The following LRRC7 variants were observed in gnomAD, a reference collection of about 807,000 sequenced individuals.
LRRC7 encodes the protein leucine-rich repeat-containing protein 7.
LRRC7 carries 23 observed loss-of-function variants against 175.7 expected under a neutral mutation model. The ratio of observed to expected loss-of-function variants is 0.13; its 90% CI spans 0.09 to 0.19. The LOEUF (loss-of-function observed/expected upper bound fraction) is 0.19. Ranked by LOEUF, LRRC7 falls within the 10% of genes least tolerant of loss-of-function variation. The probability of loss-of-function intolerance (pLI) is 1.00; values close to 1 mark genes in which losing one functional copy is unlikely to be tolerated. For synonymous variants in LRRC7, 685 were observed against 680.9 expected (o/e 1.01, Z -0.09); for missense variants, 1,354 against 1,904.7 (o/e 0.71, Z 5.38).
intron 26 of LRRC7, among the ~76,000 whole-genome samples, chr1:70,116,090 GATAA>G (rs1665829495): frequency 6.6e-6 from 1 of 152,178 alleles, no homozygotes; most frequent in Admixed American, 6.5e-5. Flanking sequence ...AATCAGAGCA[GATAA>G]ATAAATTTAT....
Position 70,136,307 on chromosome 1 carries a change from T to G in LRRC7, c.*14420T>G, listed in dbSNP as rs973933385. 1.3e-5 allele frequency among the ~76,000 whole-genome samples: 2 copies of G among 152,124 alleles called. No individual in the cohort carries two copies. The highest frequency in any genetic ancestry group is 1.3e-4 in the Admixed American group (2 of 15,286). On this transcript the variant is annotated 3_prime_UTR_variant, in exon 27 of 27. Transcript: ENST00000651989. ...AAATATATACTTATATTTTGAGTAT[T>G]CATCCAGACCTGTAGGTTTGAATCG...
Position 70,016,550 on chromosome 1 carries a change from G to A in LRRC7, c.1320+16G>A, listed in dbSNP as rs1656977943. 1.3e-6 allele frequency: 2 copies of A among 1,530,290 alleles called. No individual in the cohort carries two copies. Among genetic ancestry groups the A allele is most frequent in the Non-Finnish European group, 1.8e-6 (2 of 1,136,280 alleles). The allele number at this position is 1,530,290 out of a possible 1,614,324, so 94.8% of individuals were successfully genotyped here. A position where few individuals can be genotyped will look rare whatever the true frequency, so the allele number is the denominator to read the frequency against. ...TGACAATCAGGTAAAAGGTTTTATT[G>A]CCTGATTTATTTATTAAGATGAACT... On this transcript the variant is annotated intron_variant, in intron 14 of 26. Coordinates refer to ENST00000651989, the MANE Select transcript of LRRC7 (RefSeq NM_001370785.2).
At chr1:70,113,745 C>A (rs1435696056) in intron 26 of LRRC7, among the ~76,000 whole-genome samples, 2 of 151,634 alleles carry the variant, frequency 1.3e-5, no homozygotes, top group Non-Finnish European at 2.9e-5. Context: ...AAAAAGAGTT[C>A]ATGGTCAACT....
chr1:69,788,277 T>A (rs1674719413), intron 3 of LRRC7, among the ~76,000 whole-genome samples: 1 of 152,190 alleles, frequency 6.6e-6, no homozygotes, highest in South Asian at 2.1e-4. Flanking sequence ...ATTTTTCTTG[T>A]TATTCTGGAA....
At chr1:69,721,161 C>A (rs189053958) in intron 2 of LRRC7, among the ~76,000 whole-genome samples, 2 of 151,822 alleles carry the variant, frequency 1.3e-5, no homozygotes, top group East Asian at 3.9e-4. Flanking sequence ...CAGGCTCCCC[C>A]ACTACCGACA....
intron 3 of LRRC7, among the ~76,000 whole-genome samples, chr1:69,770,862 C>T (rs929903880): frequency 3.3e-5 from 5 of 152,158 alleles, no homozygotes; most frequent in Non-Finnish European, 7.3e-5. Context: ...TTTAAAATGT[C>T]TCACTTTCTC....
intron 2 of LRRC7, among the ~76,000 whole-genome samples, chr1:69,717,374 T>G (rs1796962): frequency 0.44 from 66,529 of 151,506 alleles, 14,869 homozygotes; most frequent in Admixed American, 0.5. Flanking sequence ...GCTTTATGAA[T>G]GACAGGTCAT....
At chr1:69,659,148 T>C (rs1368074535) in intron 1 of LRRC7, among the ~76,000 whole-genome samples, 3 of 152,000 alleles carry the variant, frequency 2.0e-5, no homozygotes, top group South Asian at 4.1e-4. Context: ...AATGTCCTGC[T>C]GGTACTTTTC....
intron 4 of LRRC7, among the ~76,000 whole-genome samples, chr1:69,801,348 G>A (rs1569981930): frequency 6.6e-6 from 1 of 151,596 alleles, no homozygotes; most frequent in African/African-American, 2.4e-5. Context: ...CTGGTCCTGG[G>A]ATTTTATTTT....
intron 8 of LRRC7, among the ~76,000 whole-genome samples, chr1:69,956,909 C>G (rs1299010070): frequency 6.6e-6 from 1 of 151,592 alleles, no homozygotes; most frequent in Non-Finnish European, 1.5e-5. Context: ...TTTTATTGCT[C>G]TACGTAACAT....
chr1:69,791,946 A>G, intron 3 of LRRC7, 97 bp from the exon 4 acceptor site: 1 of 744,950 alleles, frequency 1.3e-6, no homozygotes, highest in Non-Finnish European at 2.3e-6. Context: ...CTCTTTTACT[A>G]CTACATATAT....
At chr1:69,886,436 C>T (rs1007359794) in intron 7 of LRRC7, among the ~76,000 whole-genome samples, 3 of 151,598 alleles carry the variant, frequency 2.0e-5, no homozygotes, top group Non-Finnish European at 2.9e-5. Flanking sequence ...ACTAGGATTG[C>T]AAGCCCTGCC....
chr1:69,633,675 C>T (rs1390354446), intron 1 of LRRC7, among the ~76,000 whole-genome samples: 1 of 152,050 alleles, frequency 6.6e-6, no homozygotes, highest in East Asian at 1.9e-4. Flanking sequence ...GTGATTTGCC[C>T]ACCTCTGCCT....
intron 3 of LRRC7, among the ~76,000 whole-genome samples, chr1:69,767,429 A>G (rs1180284326): frequency 6.6e-6 from 1 of 151,962 alleles, no homozygotes; most frequent in Admixed American, 6.6e-5. Flanking sequence ...AAATTCCTCC[A>G]GTATTTAGGG....
chr1:69,693,076 C>G (rs919865408), intron 2 of LRRC7, among the ~76,000 whole-genome samples: 30 of 152,080 alleles, frequency 2.0e-4, no homozygotes, highest in African/African-American at 6.0e-4. Flanking sequence ...GTCTCGCATG[C>G]CTTCAAACTA....
At chr1:69,609,319 A>C (rs1314461565) in intron 1 of LRRC7, among the ~76,000 whole-genome samples, 1 of 152,056 alleles carries the variant, frequency 6.6e-6, no homozygotes, top group Admixed American at 6.6e-5. Context: ...GTAGGAAATG[A>C]TTTAATATGT....
intron 7 of LRRC7, chr1:69,873,362 A>G: frequency 2.0e-6 from 1 of 498,980 alleles, no homozygotes; most frequent in Admixed American, 2.0e-5. Context: ...AAACAAGTAA[A>G]CTTTCTACCT....
At chr1:70,011,214 G>C (rs1483367400) in intron 11 of LRRC7, among the ~76,000 whole-genome samples, 3 of 152,136 alleles carry the variant, frequency 2.0e-5, no homozygotes, top group Non-Finnish European at 4.4e-5. Context: ...AATTCCCAGA[G>C]TTGTTATTTT....
chr1:69,944,679 G>GT (rs1280654034), intron 8 of LRRC7, among the ~76,000 whole-genome samples: 21 of 149,990 alleles, frequency 1.4e-4, no homozygotes, highest in Admixed American at 5.3e-4. Context: ...TATTATTTTG[G>GT]TTTTTTTTTC....
Sources: allele counts gnomAD v4.1 joint callset (sites outside exome capture counted in the v4.1 genomes callset), GRCh38; gene constraint gnomAD v4.1.1; transcripts MANE v1.5; gene names NCBI Gene and HGNC (gene_info 2026-07-23, HGNC 2026-07-21).